Variants in NRXN3 observed in about 807,000 individuals in gnomAD.
NRXN3 encodes neurexin III.
In NRXN3, 32 loss-of-function variants were observed where a neutral mutation model predicts 137.6. The ratio of observed to expected loss-of-function variants is 0.23; its 90% CI spans 0.18 to 0.31. The LOEUF (loss-of-function observed/expected upper bound fraction) is 0.31. NRXN3 is among the 10% of genes least tolerant of loss of function. The probability of loss-of-function intolerance (pLI) is 1.00; values close to 1 mark genes in which losing one functional copy is unlikely to be tolerated. For missense variants in NRXN3, 1,574 were observed against 2,062.5 expected (o/e 0.76, Z 4.59); for synonymous variants, 798 against 784.5 (o/e 1.02, Z -0.29).
At chr14:79,090,260 A>T (rs1302461921) in intron 15 of NRXN3, among the ~76,000 whole-genome samples, 1 of 152,162 alleles carries the variant, frequency 6.6e-6, no homozygotes, top group Non-Finnish European at 1.5e-5. Flanking sequence ...TTAATATAAC[A>T]TAGGGATTAT....
intron 10 of NRXN3, among the ~76,000 whole-genome samples, chr14:78,812,201 G>A (rs72685446): frequency 1.4e-4 from 21 of 152,032 alleles, no homozygotes; most frequent in African/African-American, 2.4e-5. Context: ...CCTACCCATC[G>A]TCCTAGGTAA....
intron 10 of NRXN3, among the ~76,000 whole-genome samples, chr14:78,810,622 A>G (rs181070771): frequency 6.6e-6 from 1 of 152,170 alleles, no homozygotes. Context: ...GAATAATGAA[A>G]TAATGAAAAA....
intron 6 of NRXN3, among the ~76,000 whole-genome samples, chr14:78,661,970 C>T (rs1286018023): frequency 1.3e-5 from 2 of 150,892 alleles, no homozygotes; most frequent in African/African-American, 4.9e-5. Flanking sequence ...GCTCACTGCA[C>T]CCTCCACCAA....
At chr14:78,565,977 T>G (rs2096832449) in intron 4 of NRXN3, among the ~76,000 whole-genome samples, 1 of 152,230 alleles carries the variant, frequency 6.6e-6, no homozygotes, top group South Asian at 2.1e-4. Flanking sequence ...CACTTCAGAT[T>G]TCCACAGATT....
chr14:79,211,963 A>G (rs1003145059), intron 15 of NRXN3, among the ~76,000 whole-genome samples: 2 of 152,054 alleles, frequency 1.3e-5, no homozygotes, highest in Non-Finnish European at 2.9e-5. Flanking sequence ...CAAGAGACCT[A>G]TTTTTGTTTT....
intron 4 of NRXN3, among the ~76,000 whole-genome samples, chr14:78,319,753 A>G (rs777064504): frequency 2.5e-4 from 38 of 152,166 alleles, no homozygotes; most frequent in Non-Finnish European, 4.9e-4. Flanking sequence ...TGCAAATGCA[A>G]TGTTGGTCTT....
chr14:78,321,570 T>C lies in NRXN3; in HGVS notation c.757+23710T>C, dbSNP rs575763775. ...GGTTCCTGCAAGGCTCTCTGTTGGATTTAGTTTATTCTTGCTAAAACATTT... is the reference window on the plus strand; with the variant it reads ...GGTTCCTGCAAGGCTCTCTGTTGGACTTAGTTTATTCTTGCTAAAACATTT... On this transcript the variant is annotated intron_variant, in intron 4 of 20. Transcript: ENST00000335750. Among the ~76,000 whole-genome samples, 6 of 152,186 alleles carry C rather than the reference T, an allele frequency of 3.9e-5. No individual in the cohort carries two copies. In the South Asian group the frequency reaches 1.2e-3, roughly 32 times the overall value.
At chr14:78,471,417 T>A (rs2095269782) in intron 4 of NRXN3, among the ~76,000 whole-genome samples, 1 of 152,000 alleles carries the variant, frequency 6.6e-6, no homozygotes, top group Non-Finnish European at 1.5e-5. Flanking sequence ...TTAGGCCTAC[T>A]GGAATCAACA....
chr14:78,495,841 T>G (rs2095770792), intron 4 of NRXN3, among the ~76,000 whole-genome samples: 1 of 152,206 alleles, frequency 6.6e-6, no homozygotes, highest in African/African-American at 2.4e-5. Flanking sequence ...CCCATCAGTC[T>G]GAACAGACTC....
At chr14:78,840,382 A>G (rs1057250518) in intron 10 of NRXN3, among the ~76,000 whole-genome samples, 30 of 152,210 alleles carry the variant, frequency 2.0e-4, no homozygotes, top group African/African-American at 6.5e-4. Context: ...ACAAGAATGA[A>G]AAGAGATTGG....
At chr14:79,278,178 A>C (rs2080601284) in intron 15 of NRXN3, among the ~76,000 whole-genome samples, 1 of 152,164 alleles carries the variant, frequency 6.6e-6, no homozygotes, top group South Asian at 2.1e-4. Flanking sequence ...TGTTTTAACC[A>C]GCAAGTATTG....
At chr14:79,651,942 G>C (rs1175960603) in intron 16 of NRXN3, among the ~76,000 whole-genome samples, 1 of 152,114 alleles carries the variant, frequency 6.6e-6, no homozygotes, top group African/African-American at 2.4e-5. Context: ...TTTGAGTCAG[G>C]TCTATAATAG....
At chr14:79,656,616 C>A (rs950172852) in intron 16 of NRXN3, among the ~76,000 whole-genome samples, 2 of 137,864 alleles carry the variant, frequency 1.5e-5, no homozygotes, top group African/African-American at 5.4e-5. Context: ...CTCTCTCTCT[C>A]TTTTTTTTTT....
chr14:78,638,319 T>G (rs2097584126), intron 4 of NRXN3, among the ~76,000 whole-genome samples: 1 of 152,212 alleles, frequency 6.6e-6, no homozygotes, highest in African/African-American at 2.4e-5. Context: ...TCCCGTCTGC[T>G]GGTACACTCT....
chr14:79,861,424 C>G lies in NRXN3; in HGVS notation c.4176C>G (p.Asn1392Lys). Reference sequence around the variant, plus strand: ...GGGAATCCAAGGACTTTAGACCTAACAAAGTCTCCGAAACTAGTAGGACTA... The same window carrying G: ...GGGAATCCAAGGACTTTAGACCTAAGAAAGTCTCCGAAACTAGTAGGACTA... Reference protein sequence around the residue: ...PKWESKDFRPNKVSETSRTTT... With the variant: ...PKWESKDFRPKKVSETSRTTT... Residue 1392 changes from asparagine (N) to lysine (K), a missense_variant, in exon 21 of 21, where the codon AAC becomes AAG. Asn to Lys is a moderately conservative substitution (Grantham distance 94). Around this residue, in one of 5 missense-constraint regions of NRXN3, gnomAD observed 320 missense variants for 387.1 expected, o/e 0.83. Coordinates refer to ENST00000335750, the MANE Select transcript of NRXN3 (RefSeq NM_001330195.2). This position sits in a 1 kb window ranked among gnomAD's most constrained non-coding sequence, Gnocchi z 5.4. The G allele has an allele frequency of 6.5e-7, 1 of 1,536,378 alleles. No individual in the cohort carries two copies. The highest frequency in any genetic ancestry group is 8.7e-7 in the Non-Finnish European group (1 of 1,146,978).
intron 4 of NRXN3, among the ~76,000 whole-genome samples, chr14:78,477,854 G>A (rs1166257420): frequency 1.3e-5 from 2 of 152,076 alleles, no homozygotes; most frequent in Admixed American, 6.6e-5. Context: ...CATTACATTA[G>A]CACCATTAGG....
chr14:78,792,811 C>T (rs756197708), intron 8 of NRXN3, among the ~76,000 whole-genome samples: 7 of 152,134 alleles, frequency 4.6e-5, no homozygotes, highest in Non-Finnish European at 1.0e-4. Flanking sequence ...TTATCTGCAA[C>T]CATAATGTAA....
intron 15 of NRXN3, among the ~76,000 whole-genome samples, chr14:79,352,081 T>C (rs140881795): frequency 6.6e-6 from 1 of 152,324 alleles, no homozygotes; most frequent in Non-Finnish European, 1.5e-5. Context: ...TTGATGTTGG[T>C]TGCAAATAAA....
intron 15 of NRXN3, among the ~76,000 whole-genome samples, chr14:79,391,465 A>C (rs2094842894): frequency 6.6e-6 from 1 of 152,210 alleles, no homozygotes; most frequent in African/African-American, 2.4e-5. Context: ...TGCTTCACTC[A>C]TGGCATAGAT....
Sources: allele counts gnomAD v4.1 joint callset (sites outside exome capture counted in the v4.1 genomes callset), GRCh38; gene constraint gnomAD v4.1.1; regional missense constraint gnomAD v4.1.1; non-coding constraint Gnocchi (gnomAD v3.1); transcripts MANE v1.5; gene names NCBI Gene and HGNC (gene_info 2026-07-23, HGNC 2026-07-21).